Variants in IFNA7 observed in about 807,000 individuals in gnomAD.
IFNA7 encodes the protein interferon alpha-7.
For synonymous variants in IFNA7, 119 were observed against 81.1 expected (o/e 1.47, Z -2.51); for missense variants, 278 against 216.3 (o/e 1.29, Z -1.79).
Position 21,202,086 on chromosome 9 carries a change from G to C in IFNA7, c.80C>G (p.Pro27Arg). The C allele has an allele frequency of 6.2e-7, 1 of 1,613,616 alleles. No homozygotes were observed. The highest frequency in any genetic ancestry group is 8.5e-7 in the Non-Finnish European group (1 of 1,179,966). ...CCTATTACGCAGGCTGTGGGTCTGA[G>C]GCAGATCACAGCCCAGAGAGCAGAT... ...KSICSLGCDL[P>R]QTHSLRNRRA... Residue 27 changes from proline (P) to arginine (R), a missense_variant, in exon 1 of 1, where the codon CCT becomes CGT. Pro to Arg is a moderately radical substitution (Grantham distance 103, BLOSUM62 -2). Coordinates refer to ENST00000239347, the MANE Select transcript of IFNA7 (RefSeq NM_021057.2).
In IFNA7 at chr9:21,202,003, C is replaced by T. The variant is rs1587905296; in HGVS notation, c.163G>A (p.Asp55Asn). ...GRISPFSCLK[D>N]RHEFRFPEEE... ...TCTGGGAATCTGAATTCATGTCTGT[C>T]CTTCAAGCAGGAGAAAGGAGAGATT... The change falls in exon 1 of 1, where the codon GAC becomes AAC. Residue 55 changes from aspartate (D) to asparagine (N), a missense_variant. By Grantham distance (23) the Asp-to-Asn change is conservative. Transcript: ENST00000239347. 1.9e-6 allele frequency: 3 copies of T among 1,613,396 alleles called. No individual in the cohort carries two copies. The highest frequency in any genetic ancestry group is 3.3e-5 in the Admixed American group (2 of 59,922).
At position 21,201,477 on chromosome 9, in the gene IFNA7, T is replaced by C. The variant is rs1423248711; in HGVS notation, c.*119A>G. 1.3e-6 allele frequency: 2 copies of C among 1,485,938 alleles called. No individual in the cohort carries two copies. Among genetic ancestry groups the C allele is most frequent in the African/African-American group, 2.8e-5 (2 of 70,646 alleles). The allele number at this position is 1,485,938 out of a possible 1,614,324, so 92.0% of individuals were successfully genotyped here. A position where few individuals can be genotyped will look rare whatever the true frequency, so the allele number is the denominator to read the frequency against. ...TGCTTCTTAACACTCCTGAAAACAT[T>C]TGGAAATTTTGATTCAACTTGTGGT... On this transcript the variant is annotated 3_prime_UTR_variant, in exon 1 of 1. Coordinates refer to ENST00000239347, the MANE Select transcript of IFNA7 (RefSeq NM_021057.2).
chr9:21,202,162 C>A lies in IFNA7; in HGVS notation c.4G>T (p.Ala2Ser). 6.3e-7 allele frequency: 1 copy of A among 1,592,712 alleles called. No individual in the cohort carries two copies. The highest frequency in any genetic ancestry group is 2.2e-5 in the East Asian group (1 of 44,732). The change falls in exon 1 of 1, where the codon GCC (alanine) becomes TCC (serine). Residue 2 changes from alanine (A) to serine (S), a missense_variant. Ala to Ser is a moderately conservative substitution (Grantham distance 99, BLOSUM62 1). Transcript: ENST00000239347. ...ACCATCAGTAAAGAAAAGGACCGGG[C>A]CATTGGGATTTTGCAAATATCACTA... M[A>S]RSFSLLMVVL...
rs1403011851 is a variant in IFNA7 at position 21,202,139 on chromosome 9, C to T, written c.27G>A (p.Met9Ile). The change falls in exon 1 of 1, where the codon ATG (methionine) becomes ATA (isoleucine). Residue 9 changes from methionine (M) to isoleucine (I), a missense_variant. By Grantham distance (10) the Met-to-Ile change is conservative. Coordinates refer to ENST00000239347, the MANE Select transcript of IFNA7 (RefSeq NM_021057.2). ...ATTTGTAGCTGAGTACCAGCACGAC[C>T]ATCAGTAAAGAAAAGGACCGGGCCA... is the stretch of plus-strand genomic sequence containing the variant. MARSFSLL[M>I]VVLVLSYKSI... The T allele has an allele frequency of 5.6e-6, 9 of 1,609,976 alleles. No individual in the cohort carries two copies. The highest frequency in any genetic ancestry group is 1.7e-5 in the Admixed American group (1 of 59,182).
Position 21,201,791 on chromosome 9 carries a change from C to T in IFNA7, c.375G>A (p.Gln125=), listed in dbSNP as rs146044954. 92 of 1,613,552 alleles carry T rather than the reference C, an allele frequency of 5.7e-5. 1 individual carries two copies. In the East Asian group the frequency reaches 1.3e-3, roughly 22 times the overall value. The change falls in exon 1 of 1, where the codon CAG becomes CAA. Residue 125 remains glutamine, a synonymous_variant. Coordinates refer to ENST00000239347, the MANE Select transcript of IFNA7 (RefSeq NM_021057.2). ...QLNDLEACVI[Q]EVGVEETPLM... ...GGGGAGTCTCTTCCACCCCAACCTCCTGTATCACACATGCTTCCAGGTCAT... is the reference window on the plus strand; with the variant it reads ...GGGGAGTCTCTTCCACCCCAACCTCTTGTATCACACATGCTTCCAGGTCAT...
rs771727482 is a variant in IFNA7, at chr9:21,202,010, G to A, written c.156C>T (p.Cys52=). 4.2e-5 allele frequency: 68 copies of A among 1,613,328 alleles called. No homozygotes were observed. The highest frequency in any genetic ancestry group is 5.7e-5 in the Non-Finnish European group (67 of 1,179,948). ...AQMGRISPFS[C]LKDRHEFRFP... is the part of the protein sequence containing the mutation. Reference sequence around the variant, plus strand: ...ATCTGAATTCATGTCTGTCCTTCAAGCAGGAGAAAGGAGAGATTCTTCCCA... The same window carrying A: ...ATCTGAATTCATGTCTGTCCTTCAAACAGGAGAAAGGAGAGATTCTTCCCA... Residue 52 remains cysteine (C), a synonymous_variant, in exon 1 of 1, where the codon TGC becomes TGT. Transcript: ENST00000239347.
rs747801549 is a variant in IFNA7, at chr9:21,201,998, T to C, written c.168A>G (p.Arg56=). ...RISPFSCLKD[R]HEFRFPEEEF... is the part of the protein sequence containing the mutation. The stretch of plus-strand genomic sequence containing the variant: ...CCTCCTCTGGGAATCTGAATTCATG[T>C]CTGTCCTTCAAGCAGGAGAAAGGAG... Residue 56 remains arginine (R), a synonymous_variant, in exon 1 of 1, where the codon AGA becomes AGG. Coordinates refer to ENST00000239347, the MANE Select transcript of IFNA7 (RefSeq NM_021057.2). 2 of 1,613,434 alleles carry C rather than the reference T, an allele frequency of 1.2e-6. No homozygotes were observed. The highest frequency in any genetic ancestry group is 2.2e-5 in the South Asian group (2 of 91,058).
Position 21,202,007 on chromosome 9 carries a change from C to T in IFNA7, c.159G>A (p.Leu53=). Reference sequence around the variant, plus strand: ...GGAATCTGAATTCATGTCTGTCCTTCAAGCAGGAGAAAGGAGAGATTCTTC... The same window carrying T: ...GGAATCTGAATTCATGTCTGTCCTTTAAGCAGGAGAAAGGAGAGATTCTTC... ...QMGRISPFSC[L]KDRHEFRFPE... is the part of the protein sequence containing the mutation. The change falls in exon 1 of 1, where the codon TTG becomes TTA. Residue 53 remains leucine, a synonymous_variant. Coordinates refer to ENST00000239347, the MANE Select transcript of IFNA7 (RefSeq NM_021057.2). The T allele has an allele frequency of 1.2e-6, 2 of 1,613,390 alleles. No homozygotes were observed. Among genetic ancestry groups the T allele is most frequent in the Non-Finnish European group, 1.7e-6 (2 of 1,179,934 alleles).
At position 21,201,653 on chromosome 9, in the gene IFNA7, G is replaced by A. The variant is rs527393240; in HGVS notation, c.513C>T (p.Ile171=). ...PCAWEVVRAE[I]MRSFSFSTNL... ...TTGTTGAAAAAGAGAAGGATCTCAT[G>A]ATTTCTGCTCTGACAACCTCCCAGG... The change falls in exon 1 of 1, where the codon ATC becomes ATT. Residue 171 remains isoleucine, a synonymous_variant. Coordinates refer to ENST00000239347, the MANE Select transcript of IFNA7 (RefSeq NM_021057.2). 6.2e-7 allele frequency: 1 copy of A among 1,613,764 alleles called. No homozygotes were observed. The highest frequency in any genetic ancestry group is 8.5e-7 in the Non-Finnish European group (1 of 1,179,966).
chr9:21,201,940 C>G lies in IFNA7; in HGVS notation c.226G>C (p.Ala76Pro). ...FDGHQFQKTQ[A>P]ISVLHEMIQQ... ...ATCATCTCATGGAGGACAGAGATGGCTTGAGTCTTCTGGAACTGGTGGCCA... is the reference window on the plus strand; with the variant it reads ...ATCATCTCATGGAGGACAGAGATGGGTTGAGTCTTCTGGAACTGGTGGCCA... Residue 76 changes from alanine to proline, a missense_variant, in exon 1 of 1, where the codon GCC (alanine) becomes CCC (proline). Transcript: ENST00000239347. 1 of 1,613,392 alleles carries G rather than the reference C, an allele frequency of 6.2e-7. No individual in the cohort carries two copies. Among genetic ancestry groups the G allele is most frequent in the Non-Finnish European group, 8.5e-7 (1 of 1,179,910 alleles).
Position 21,201,533 on chromosome 9 carries a change from A to T in IFNA7, c.*63T>A. On this transcript the variant is annotated 3_prime_UTR_variant, in exon 1 of 1. Coordinates refer to ENST00000239347, the MANE Select transcript of IFNA7 (RefSeq NM_021057.2). ...TAGAAGTGAGTCTTTGAAATGGAAG[A>T]ACTCATGAAAGTGTGAGATGATGCA... 1 of 1,575,064 alleles carries T rather than the reference A, an allele frequency of 6.3e-7. No individual in the cohort carries two copies. The highest frequency in any genetic ancestry group is 8.6e-7 in the Non-Finnish European group (1 of 1,166,158).
At position 21,201,556 on chromosome 9, in the gene IFNA7, G is replaced by A. The variant is rs994521835; in HGVS notation, c.*40C>T. 5 of 1,603,342 alleles carry A rather than the reference G, an allele frequency of 3.1e-6. No homozygotes were observed. In the East Asian group the frequency reaches 8.9e-5, roughly 29 times the overall value. The stretch of plus-strand genomic sequence containing the variant: ...AGAACTCATGAAAGTGTGAGATGAT[G>A]CATTAGTCAATGAGAATCATTTCCA... On this transcript the variant is annotated 3_prime_UTR_variant, in exon 1 of 1. Coordinates refer to ENST00000239347, the MANE Select transcript of IFNA7 (RefSeq NM_021057.2).
In IFNA7 at chr9:21,201,627, T is replaced by C; in HGVS notation, c.539A>G (p.Asn180Ser). ...CTTCCTCCTTAATCCTTTTTTCAAG[T>C]TTGTTGAAAAAGAGAAGGATCTCAT... ...EIMRSFSFSTNLKKGLRRKD is the reference protein window; with the variant it reads ...EIMRSFSFSTSLKKGLRRKD Residue 180 changes from asparagine to serine, a missense_variant, in exon 1 of 1, where the codon AAC (asparagine) becomes AGC (serine). Transcript: ENST00000239347. 1.9e-6 allele frequency: 3 copies of C among 1,613,582 alleles called. No homozygotes were observed. Among genetic ancestry groups the C allele is most frequent in the Middle Eastern group, 1.7e-4 (1 of 6,038 alleles).
In IFNA7 at chr9:21,202,190, C is replaced by T; in HGVS notation, c.-25G>A. 6.4e-7 allele frequency: 1 copy of T among 1,569,650 alleles called. No individual in the cohort carries two copies. Among genetic ancestry groups the T allele is most frequent in the Non-Finnish European group, 8.6e-7 (1 of 1,159,842 alleles). ...TTGGGATTTTGCAAATATCACTAGG[C>T]TACCTGAGGTGGGTAACTTGAACCG... is the stretch of plus-strand genomic sequence containing the variant. On this transcript the variant is annotated 5_prime_UTR_variant, in exon 1 of 1. Coordinates refer to ENST00000239347, the MANE Select transcript of IFNA7 (RefSeq NM_021057.2).
rs779519227 is a variant in IFNA7 at position 21,201,926 on chromosome 9, G to C, written c.240C>G (p.Leu80=). ...TGAAGGTCTGCTGGATCATCTCATGGAGGACAGAGATGGCTTGAGTCTTCT... is the reference window on the plus strand; with the variant it reads ...TGAAGGTCTGCTGGATCATCTCATGCAGGACAGAGATGGCTTGAGTCTTCT... ...QFQKTQAISV[L]HEMIQQTFNL... is the part of the protein sequence containing the mutation. Residue 80 remains leucine (L), a synonymous_variant, in exon 1 of 1, where the codon CTC becomes CTG. Transcript: ENST00000239347. 8 of 1,613,210 alleles carry C rather than the reference G, an allele frequency of 5.0e-6. No homozygotes were observed. Among genetic ancestry groups the C allele is most frequent in the Non-Finnish European group, 4.2e-6 (5 of 1,179,904 alleles).
chr9:21,201,575 A>G lies in IFNA7; in HGVS notation c.*21T>C. 3.7e-6 allele frequency: 6 copies of G among 1,609,296 alleles called. No homozygotes were observed. The South Asian group carries it at 4.4e-5, about 12-fold the overall frequency. ...GATGATGCATTAGTCAATGAGAATC[A>G]TTTCCATGATGAACCAGTTTTCAAT... On this transcript the variant is annotated 3_prime_UTR_variant, in exon 1 of 1. Transcript: ENST00000239347.
At position 21,201,547 on chromosome 9, in the gene IFNA7, T is replaced by C. The variant is rs1818154622; in HGVS notation, c.*49A>G. 6.3e-7 allele frequency: 1 copy of C among 1,592,066 alleles called. No individual in the cohort carries two copies. The highest frequency in any genetic ancestry group is 1.8e-5 in the Admixed American group (1 of 54,584). ...TGAAATGGAAGAACTCATGAAAGTG[T>C]GAGATGATGCATTAGTCAATGAGAA... On this transcript the variant is annotated 3_prime_UTR_variant, in exon 1 of 1. Transcript: ENST00000239347.
chr9:21,202,070 C>G lies in IFNA7; in HGVS notation c.96G>C (p.Leu32=). 1.2e-6 allele frequency: 2 copies of G among 1,613,610 alleles called. No individual in the cohort carries two copies. The highest frequency in any genetic ancestry group is 1.7e-6 in the Non-Finnish European group (2 of 1,179,962). ...GGAGTATCAAGGCCCTCCTATTACG[C>G]AGGCTGTGGGTCTGAGGCAGATCAC... is the stretch of plus-strand genomic sequence containing the variant. ...LGCDLPQTHS[L]RNRRALILLA... is the part of the protein sequence containing the mutation. Residue 32 remains leucine, a synonymous_variant, in exon 1 of 1, where the codon CTG becomes CTC. Coordinates refer to ENST00000239347, the MANE Select transcript of IFNA7 (RefSeq NM_021057.2).
Position 21,201,950 on chromosome 9 carries a change from C to T in IFNA7, c.216G>A (p.Gln72=). ...PEEEFDGHQF[Q]KTQAISVLHE... Reference sequence around the variant, plus strand: ...GGAGGACAGAGATGGCTTGAGTCTTCTGGAACTGGTGGCCATCAAACTCCT... The same window carrying T: ...GGAGGACAGAGATGGCTTGAGTCTTTTGGAACTGGTGGCCATCAAACTCCT... Residue 72 remains glutamine, a synonymous_variant, in exon 1 of 1, where the codon CAG becomes CAA. Transcript: ENST00000239347. 1 of 1,613,446 alleles carries T rather than the reference C, an allele frequency of 6.2e-7. No homozygotes were observed. Among genetic ancestry groups the T allele is most frequent in the Non-Finnish European group, 8.5e-7 (1 of 1,179,948 alleles).
Sources: gnomAD v4.1 joint callset for allele counts on GRCh38, gnomAD v4.1.1 for gene constraint, MANE v1.5 for transcripts, NCBI Gene and HGNC (gene_info 2026-07-23, HGNC 2026-07-21) for gene names.